The following ST8SIA5 variants were observed in gnomAD, a reference collection of about 807,000 sequenced individuals.
The protein encoded by ST8SIA5 is alpha-2,8-sialyltransferase 8E.
In ST8SIA5, 24 loss-of-function variants were observed where a neutral mutation model predicts 40.2. The observed-to-expected ratio is 0.60, with a 90% CI of 0.43 to 0.84. The LOEUF (loss-of-function observed/expected upper bound fraction) is 0.84, where lower values mean the gene tolerates loss of function less well. ST8SIA5 is among the 40% of genes least tolerant of loss of function. ST8SIA5 has a pLI of 0.00. For missense variants in ST8SIA5, 465 were observed against 498.5 expected, an observed-to-expected ratio of 0.93 and a Z score of 0.64; for synonymous variants, 198 against 201.8, an observed-to-expected ratio of 0.98 and a Z score of 0.16.
intron 1 of ST8SIA5, among the ~76,000 whole-genome samples, chr18:46,709,132 A>G (rs552779221): frequency 6.6e-6 from 1 of 152,316 alleles, no homozygotes; most frequent in Non-Finnish European, 1.5e-5. Flanking sequence ...TGTATCCCCA[A>G]TACAAACATT....
chr18:46,694,691 C>T (rs187343780), intron 2 of ST8SIA5, among the ~76,000 whole-genome samples: 6 of 152,262 alleles, frequency 3.9e-5, no homozygotes, highest in African/African-American at 1.2e-4. Context: ...CACTGTGGCT[C>T]TTACCCTGGG....
At chr18:46,701,921 G>C (rs1417202227) in intron 2 of ST8SIA5, among the ~76,000 whole-genome samples, 2 of 152,294 alleles carry the variant, frequency 1.3e-5, no homozygotes, top group East Asian at 3.9e-4. Context: ...GCCAAGGCGG[G>C]TGGATCATGA....
At chr18:46,751,274 C>T (rs566174021) in intron 1 of ST8SIA5, among the ~76,000 whole-genome samples, 1 of 152,290 alleles carries the variant, frequency 6.6e-6, no homozygotes, top group Non-Finnish European at 1.5e-5. Context: ...ACAAGGTCTC[C>T]AAGGTTCATC....
chr18:46,716,361 G>T (rs1296787452), intron 1 of ST8SIA5, among the ~76,000 whole-genome samples: 1 of 152,166 alleles, frequency 6.6e-6, no homozygotes, highest in Non-Finnish European at 1.5e-5. Context: ...TCTATTTGGG[G>T]CTTGCTCTTT....
Position 46,671,681 on chromosome 18 carries a change from A to G in ST8SIA5, c.*8361T>C, listed in dbSNP as rs1042328005. Reference sequence around the variant, plus strand: ...ACAGATAAATTCTTAATTCAGGCAGACTCTGAGGCTCCTAGCCCCGGGAGA... The same window carrying G: ...ACAGATAAATTCTTAATTCAGGCAGGCTCTGAGGCTCCTAGCCCCGGGAGA... On this transcript the variant is annotated 3_prime_UTR_variant, in exon 7 of 7. Transcript: ENST00000315087. 1 of 152,174 alleles carries G rather than the reference A, an allele frequency of 6.6e-6. No homozygotes were observed. The highest frequency in any genetic ancestry group is 1.5e-5 in the Non-Finnish European group (1 of 68,038). 9.4% of individuals were successfully genotyped at this position (152,174 alleles called of 1,614,324 possible). A position where few individuals can be genotyped will look rare whatever the true frequency, so the allele number is the denominator to read the frequency against.
chr18:46,685,734 C>T (rs571012932), intron 5 of ST8SIA5: 21 of 170,062 alleles, frequency 1.2e-4, no homozygotes, highest in African/African-American at 4.9e-4. Context: ...AAGAGGGGGG[C>T]TTTACGGAAG....
Position 46,671,134 on chromosome 18 carries a change from C to G in ST8SIA5, c.*8908G>C, listed in dbSNP as rs1254577874. The G allele has an allele frequency of 6.6e-6, 1 of 152,144 alleles. No individual in the cohort carries two copies. The highest frequency in any genetic ancestry group is 1.5e-5 in the Non-Finnish European group (1 of 68,030). The allele number at this position is 152,144 out of a possible 1,614,324, so 9.4% of individuals were successfully genotyped here. A position where few individuals can be genotyped will look rare whatever the true frequency, so the allele number is the denominator to read the frequency against. On this transcript the variant is annotated 3_prime_UTR_variant, in exon 7 of 7. Transcript: ENST00000315087. ...TCACCCTGCCTCAGTAAAACAGTAG[C>G]CATTTCCACTTTTAATAAGTCTTTG...
At chr18:46,697,424 G>A (rs1175617634) in intron 2 of ST8SIA5, among the ~76,000 whole-genome samples, 2 of 152,090 alleles carry the variant, frequency 1.3e-5, no homozygotes, top group African/African-American at 2.4e-5. Flanking sequence ...CAGAAGAGCT[G>A]GAAGATGAAG....
chr18:46,716,627 C>G (rs1416712347), intron 1 of ST8SIA5, among the ~76,000 whole-genome samples: 2 of 152,316 alleles, frequency 1.3e-5, no homozygotes, highest in South Asian at 2.1e-4. Context: ...AGCCAAGGAG[C>G]CTGCAGCTGT....
At chr18:46,733,726 AG>A (rs2040007038) in intron 1 of ST8SIA5, among the ~76,000 whole-genome samples, 1 of 152,198 alleles carries the variant, frequency 6.6e-6, no homozygotes, top group African/African-American at 2.4e-5. Flanking sequence ...ATGAGGGGCC[AG>A]CCCAGGTGGA....
chr18:46,732,265 A>G (rs1464257019), intron 1 of ST8SIA5, among the ~76,000 whole-genome samples: 1 of 152,204 alleles, frequency 6.6e-6, no homozygotes, highest in Non-Finnish European at 1.5e-5. Context: ...CAGCCATCAC[A>G]GCTGAGGAAA....
chr18:46,668,909 T>C lies in ST8SIA5; in HGVS notation c.*11133A>G, dbSNP rs963503257. 1 of 152,396 alleles carries C rather than the reference T, an allele frequency of 6.6e-6. No homozygotes were observed. 9.4% of individuals were successfully genotyped at this position (152,396 alleles called of 1,614,324 possible). A position where few individuals can be genotyped will look rare whatever the true frequency, so the allele number is the denominator to read the frequency against. ...GGGGTAGTCTGGCAGGAGCTGCCAC[T>C]TGGGACCCCTCCAGCTGCCTCCCAC... On this transcript the variant is annotated 3_prime_UTR_variant, in exon 7 of 7. Coordinates refer to ENST00000315087, the MANE Select transcript of ST8SIA5 (RefSeq NM_013305.6).
rs1348807784 is a variant in ST8SIA5, at chr18:46,686,364, A to G, written c.457-78T>C. 3 of 1,171,860 alleles carry G rather than the reference A, an allele frequency of 2.6e-6. No homozygotes were observed. The African/African-American group carries it at 4.5e-5, about 18-fold the overall frequency. The allele number at this position is 1,171,860 out of a possible 1,614,324, so 72.6% of individuals were successfully genotyped here. A position where few individuals can be genotyped will look rare whatever the true frequency, so the allele number is the denominator to read the frequency against. On this transcript the variant is annotated intron_variant, in intron 4 of 6. Transcript: ENST00000315087. ...CTGCTACTCTCACCTCTGCAAGCACACCCACCTATATTAGCTCCTGGTCCC... is the reference window on the plus strand; with the variant it reads ...CTGCTACTCTCACCTCTGCAAGCACGCCCACCTATATTAGCTCCTGGTCCC...
chr18:46,730,145 C>T, intron 1 of ST8SIA5: 1 of 985,212 alleles, frequency 1.0e-6, no homozygotes, highest in Middle Eastern at 5.2e-4. Flanking sequence ...GGTGTTAACA[C>T]CAGCCCCAGA....
intron 1 of ST8SIA5, among the ~76,000 whole-genome samples, chr18:46,705,925 G>A (rs866660845): frequency 6.6e-6 from 1 of 152,150 alleles, no homozygotes; most frequent in Admixed American, 6.5e-5. Context: ...CATTTCGCAC[G>A]TACCCTTACA....
At chr18:46,750,490 A>G (rs932637533) in intron 1 of ST8SIA5, among the ~76,000 whole-genome samples, 2 of 151,994 alleles carry the variant, frequency 1.3e-5, no homozygotes, top group Non-Finnish European at 2.9e-5. Context: ...AGAAAGGGTA[A>G]CCTGCGCTCC....
chr18:46,736,159 T>A (rs773866216), intron 1 of ST8SIA5, among the ~76,000 whole-genome samples: 25 of 152,232 alleles, frequency 1.6e-4, no homozygotes, highest in Non-Finnish European at 1.6e-4. Flanking sequence ...GTCACATCCC[T>A]TTTTTGTATT....
intron 2 of ST8SIA5, among the ~76,000 whole-genome samples, chr18:46,694,469 C>T (rs1031574049): frequency 1.3e-5 from 2 of 152,172 alleles, no homozygotes; most frequent in African/African-American, 4.8e-5. Context: ...AAAGGCAGCA[C>T]CATGATTTCT....
intron 1 of ST8SIA5, among the ~76,000 whole-genome samples, chr18:46,710,010 T>C (rs2039706938): frequency 6.6e-6 from 1 of 152,148 alleles, no homozygotes; most frequent in Non-Finnish European, 1.5e-5. Flanking sequence ...TTCGTCACTG[T>C]CTCTACTTTC....
Sources: allele counts gnomAD v4.1 joint callset (sites outside exome capture counted in the v4.1 genomes callset), GRCh38; gene constraint gnomAD v4.1.1; transcripts MANE v1.5; gene names NCBI Gene and HGNC (gene_info 2026-07-23, HGNC 2026-07-21).